The following TRIM42 variants were observed in gnomAD, a reference collection of about 807,000 sequenced individuals.
The protein encoded by TRIM42 is tripartite motif containing 42.
In TRIM42, 59 loss-of-function variants were observed where a neutral mutation model predicts 64.9. That is an observed-to-expected ratio of 0.91 (90% CI 0.74 to 1.13). The LOEUF (loss-of-function observed/expected upper bound fraction) is 1.13, where lower values mean the gene tolerates loss of function less well. TRIM42 is among the 50% of genes most tolerant of loss of function. The pLI, the probability that TRIM42 is intolerant of heterozygous loss-of-function variation, is 0.00. For missense variants in TRIM42, 878 were observed against 929.5 expected (o/e 0.94, Z 0.72); for synonymous variants, 354 against 346.3 (o/e 1.02, Z -0.25).
At chr3:140,690,107 A>G (rs1316130676) in intron 3 of TRIM42, among the ~76,000 whole-genome samples, 2 of 152,200 alleles carry the variant, frequency 1.3e-5, no homozygotes, top group African/African-American at 4.8e-5. Flanking sequence ...TTTTAGGATA[A>G]TGGAATGGAC....
At chr3:140,683,181 T>A (rs759165952) in intron 2 of TRIM42, 22 bp downstream of exon 2, 1 of 1,610,950 alleles carries the variant, frequency 6.2e-7, no homozygotes, top group South Asian at 1.1e-5. Context: ...TTCCACTCCT[T>A]CAGCCTAACT....
intron 2 of TRIM42, among the ~76,000 whole-genome samples, chr3:140,686,052 G>A (rs1988537896): frequency 6.6e-6 from 1 of 152,130 alleles, no homozygotes; most frequent in South Asian, 2.1e-4. Context: ...GACATTTGTG[G>A]CTTCCTCTGT....
intron 4 of TRIM42, among the ~76,000 whole-genome samples, chr3:140,693,444 C>T (rs1008740715): frequency 6.6e-6 from 1 of 152,196 alleles, no homozygotes; most frequent in Non-Finnish European, 1.5e-5. Flanking sequence ...AATTCTTCCT[C>T]CCTTCTTTGT....
At chr3:140,686,295 C>T (rs931729415) in intron 2 of TRIM42, among the ~76,000 whole-genome samples, 13 of 152,188 alleles carry the variant, frequency 8.5e-5, no homozygotes, top group African/African-American at 3.1e-4. Context: ...CACTTCTCAG[C>T]ACTGAAATCG....
chr3:140,687,270 G>T (rs534724001), intron 2 of TRIM42, among the ~76,000 whole-genome samples: 1 of 152,330 alleles, frequency 6.6e-6, no homozygotes, highest in African/African-American at 2.4e-5. Flanking sequence ...AGCGAATGAT[G>T]CAAGACAACC....
chr3:140,684,600 GCTTC>G, intron 2 of TRIM42, among the ~76,000 whole-genome samples: 1 of 152,188 alleles, frequency 6.6e-6, no homozygotes, highest in Non-Finnish European at 1.5e-5. Flanking sequence ...CCTCTCAGTA[GCTTC>G]AGGAATACCT....
intron 4 of TRIM42, among the ~76,000 whole-genome samples, chr3:140,698,639 G>A (rs1020939311): frequency 2.6e-5 from 4 of 152,100 alleles, no homozygotes; most frequent in African/African-American, 4.8e-5. Context: ...TTTACAGACT[G>A]TTGATATTAT....
chr3:140,690,879 C>T (rs1988692051), intron 3 of TRIM42, 89 bp from the exon 4 acceptor site: 7 of 1,112,662 alleles, frequency 6.3e-6, no homozygotes, highest in Non-Finnish European at 9.4e-6. Flanking sequence ...AAACTCACCC[C>T]ACAGATAGTC....
rs780220896 is a variant in TRIM42, at chr3:140,688,297, A to G, written c.1615A>G (p.Met539Val). The G allele has an allele frequency of 1.2e-6, 2 of 1,614,074 alleles. No individual in the cohort carries two copies. The highest frequency in any genetic ancestry group is 1.7e-6 in the Non-Finnish European group (2 of 1,180,000). The change falls in exon 3 of 5, where the codon ATG becomes GTG. Residue 539 changes from methionine (M) to valine (V), a missense_variant. By Grantham distance (21) the Met-to-Val change is conservative. Transcript: ENST00000286349. ...GCACATATACCAGCGAAGCTCCTCC[A>G]TGTTGTCCTTCAGCAACACTGACAA... is the stretch of plus-strand genomic sequence containing the variant. ...NQHIYQRSSS[M>V]LSFSNTDKKA... is the part of the protein sequence containing the mutation.
rs771456077 is a variant in TRIM42 at position 140,682,571 on chromosome 3, C to A, written c.451C>A (p.Arg151=). ...VNHLNCPMCS[R]LRLHSFMLPC... ...CCACCTCAATTGCCCCATGTGCAGCCGGCTGCGCCTGCACTCATTCATGCT... is the reference window on the plus strand; with the variant it reads ...CCACCTCAATTGCCCCATGTGCAGCAGGCTGCGCCTGCACTCATTCATGCT... Residue 151 remains arginine, a synonymous_variant, in exon 2 of 5, where the codon CGG becomes AGG. Transcript: ENST00000286349. The A allele has an allele frequency of 6.2e-7, 1 of 1,614,252 alleles. No individual in the cohort carries two copies. The highest frequency in any genetic ancestry group is 1.1e-5 in the South Asian group (1 of 91,086).
chr3:140,679,540 G>A (rs549398659), intron 1 of TRIM42, among the ~76,000 whole-genome samples: 2 of 152,286 alleles, frequency 1.3e-5, no homozygotes, highest in East Asian at 3.9e-4. Flanking sequence ...GGTGAATTCA[G>A]GGGAAAGATA....
At chr3:140,689,005 A>G (rs1282120396) in intron 3 of TRIM42, among the ~76,000 whole-genome samples, 1 of 152,218 alleles carries the variant, frequency 6.6e-6, no homozygotes, top group Middle Eastern at 3.2e-3. Flanking sequence ...CAGAATCTCT[A>G]TGATTTGGAA....
intron 2 of TRIM42, among the ~76,000 whole-genome samples, chr3:140,683,468 T>C (rs982950813): frequency 6.6e-6 from 1 of 152,232 alleles, no homozygotes; most frequent in African/African-American, 2.4e-5. Flanking sequence ...AAAAGTCATA[T>C]GACAAGTGCA....
chr3:140,697,183 AT>A (rs1246063239), intron 4 of TRIM42, among the ~76,000 whole-genome samples: 1 of 151,592 alleles, frequency 6.6e-6, no homozygotes, highest in Admixed American at 6.6e-5. Flanking sequence ...TCCTTCGCCC[AT>A]TTTTCTATTG....
intron 4 of TRIM42, among the ~76,000 whole-genome samples, chr3:140,692,572 T>TAGAG (rs147431180): frequency 1.8e-5 from 1 of 56,388 alleles, no homozygotes; most frequent in African/African-American, 5.1e-5. Context: ...CAGAGAGAGA[T>TAGAG]AGAGAGAGAG....
In TRIM42 at chr3:140,682,824, C is replaced by T. The variant is rs367775364; in HGVS notation, c.704C>T (p.Pro235Leu). ...TGGCGCTTTGACCGCTCCTCCGGGC[C>T]CATCCTCTGCCAGGTCTGCCGCAAC... ...LKWRFDRSSG[P>L]ILCQVCRNKR... Residue 235 changes from proline (P) to leucine (L), a missense_variant, in exon 2 of 5, where the codon CCC becomes CTC. Physicochemically the swap from Pro to Leu is moderately conservative, Grantham distance 98. Transcript: ENST00000286349. 6.2e-7 allele frequency: 1 copy of T among 1,613,978 alleles called. No individual in the cohort carries two copies. The highest frequency in any genetic ancestry group is 1.3e-5 in the African/African-American group (1 of 74,944).
Position 140,682,832 on chromosome 3 carries a change from T to G in TRIM42, c.712T>G (p.Cys238Gly), listed in dbSNP as rs1383539542. 6.2e-7 allele frequency: 1 copy of G among 1,614,148 alleles called. No homozygotes were observed. The change falls in exon 2 of 5, where the codon TGC becomes GGC. Residue 238 changes from cysteine (C) to glycine (G), a missense_variant. Physicochemically the swap from Cys to Gly is radical, Grantham distance 159. Transcript: ENST00000286349. ...TGACCGCTCCTCCGGGCCCATCCTCTGCCAGGTCTGCCGCAACAAGCGCAT... is the reference window on the plus strand; with the variant it reads ...TGACCGCTCCTCCGGGCCCATCCTCGGCCAGGTCTGCCGCAACAAGCGCAT... Reference protein sequence around the residue: ...RFDRSSGPILCQVCRNKRIAY... With the variant: ...RFDRSSGPILGQVCRNKRIAY...
Position 140,688,516 on chromosome 3 carries a change from ACTCTG to A in TRIM42, c.1835_1839del (p.Thr612SerfsTer21). On this transcript the variant is annotated frameshift_variant, in exon 3 of 5. Coordinates refer to ENST00000286349, the MANE Select transcript of TRIM42 (RefSeq NM_152616.5). LOFTEE classifies it high-confidence loss of function. ...CCCAGGCCCAATTGTTATCTACCAGACTCTGGTGTACCCAAGAGCTGCCAAGGTAA... is the reference window on the plus strand; with the variant it reads ...CCCAGGCCCAATTGTTATCTACCAGAGTGTACCCAAGAGCTGCCAAGGTAA... 1 of 1,612,180 alleles carries A rather than the reference ACTCTG, an allele frequency of 6.2e-7. No homozygotes were observed. Among genetic ancestry groups the A allele is most frequent in the East Asian group, 2.2e-5 (1 of 44,850 alleles).
chr3:140,691,045 C>G lies in TRIM42; in HGVS notation c.1938C>G (p.Asn646Lys). The G allele has an allele frequency of 6.2e-7, 1 of 1,614,094 alleles. No homozygotes were observed. The highest frequency in any genetic ancestry group is 1.7e-5 in the Admixed American group (1 of 60,024). Reference protein sequence around the residue: ...EFYEVITSPPNNVQMELCGQI... With the variant: ...EFYEVITSPPKNVQMELCGQI... ...ATGAAGTCATTACTTCTCCTCCTAA[C>G]AACGTACAAATGGAGCTCTGTGGAC... is the stretch of plus-strand genomic sequence containing the variant. Residue 646 changes from asparagine to lysine, a missense_variant, in exon 4 of 5, where the codon AAC becomes AAG. Asn to Lys is a moderately conservative substitution (Grantham distance 94). Coordinates refer to ENST00000286349, the MANE Select transcript of TRIM42 (RefSeq NM_152616.5).
Sources: allele counts gnomAD v4.1 joint callset (sites outside exome capture counted in the v4.1 genomes callset), GRCh38; gene constraint gnomAD v4.1.1; transcripts MANE v1.5; gene names NCBI Gene and HGNC (gene_info 2026-07-23, HGNC 2026-07-21).